The following FBXW4 variants were observed in gnomAD, a reference collection of about 807,000 sequenced individuals.
FBXW4 encodes the protein F-box and WD repeat domain containing 4, also known as F-box/WD repeat-containing protein 4.
FBXW4 carries 40 observed loss-of-function variants against 61.8 expected under a neutral mutation model. The ratio of observed to expected loss-of-function variants is 0.65; its 90% confidence interval spans 0.50 to 0.84. FBXW4 has a LOEUF of 0.84. Ranked by LOEUF, FBXW4 falls within the 40% of genes least tolerant of loss-of-function variation. FBXW4 has a pLI of 0.00. For synonymous variants in FBXW4, 311 were observed against 313.8 expected (o/e 0.99, Z 0.10); for missense variants, 672 against 753.8 (o/e 0.89, Z 1.27).
chr10:101,633,948 A>T (rs565495493), intron 5 of FBXW4, among the ~76,000 whole-genome samples: 3 of 151,620 alleles, frequency 2.0e-5, no homozygotes, highest in East Asian at 1.9e-4. Flanking sequence ...TCTACTAAAA[A>T]ATATATATAT....
intron 5 of FBXW4, among the ~76,000 whole-genome samples, chr10:101,667,247 C>T (rs1285400112): frequency 6.7e-6 from 1 of 149,008 alleles, no homozygotes; most frequent in East Asian, 2.0e-4. Flanking sequence ...AAAAAAAAAC[C>T]AAACACCCCA....
chr10:101,683,232 G>A lies in FBXW4; in HGVS notation c.726-6796C>T, dbSNP rs140743763. Reference sequence around the variant, plus strand: ...GCCATTTCTCCATATGGTTACTAATGTAAAGTGAGGGTGCTCCTCTCAAAA... The same window carrying A: ...GCCATTTCTCCATATGGTTACTAATATAAAGTGAGGGTGCTCCTCTCAAAA... On this transcript the variant is annotated intron_variant, in intron 1 of 8. Transcript: ENST00000331272. Among the ~76,000 whole-genome samples the A allele has an allele frequency of 7.7e-4, 117 of 152,342 alleles. No individual in the cohort carries two copies. In the East Asian group the frequency reaches 0.01, roughly 13 times the overall value.
At chr10:101,639,588 G>A (rs1342853356) in intron 5 of FBXW4, among the ~76,000 whole-genome samples, 1 of 152,186 alleles carries the variant, frequency 6.6e-6, no homozygotes, top group Non-Finnish European at 1.5e-5. Context: ...GTTCTTACAT[G>A]ACTTTCCCTC....
chr10:101,693,204 T>A (rs919614160), intron 1 of FBXW4, among the ~76,000 whole-genome samples: 2 of 152,258 alleles, frequency 1.3e-5, no homozygotes, highest in African/African-American at 4.8e-5. Context: ...GGTCCCACTA[T>A]AATTTGGTAC....
In FBXW4 at chr10:101,619,230, G is replaced by A. The variant is rs1033900657; in HGVS notation, c.1301+5515C>T. On this transcript the variant is annotated intron_variant, in intron 6 of 8. Coordinates refer to ENST00000331272, the MANE Select transcript of FBXW4 (RefSeq NM_022039.4). ...TCCTGGCACTTGGGAGTTAGGGAATGGGCTTGAAGACCACCTACCATCAGA... is the reference window on the plus strand; with the variant it reads ...TCCTGGCACTTGGGAGTTAGGGAATAGGCTTGAAGACCACCTACCATCAGA... Among the ~76,000 whole-genome samples, 18 of 152,318 alleles carry A rather than the reference G, an allele frequency of 1.2e-4. No individual in the cohort carries two copies. The South Asian group carries it at 2.1e-3, about 18-fold the overall frequency.
chr10:101,689,046 A>T (rs2064561564), intron 1 of FBXW4, among the ~76,000 whole-genome samples: 1 of 151,840 alleles, frequency 6.6e-6, no homozygotes, highest in Non-Finnish European at 1.5e-5. Context: ...TTTTTAAAAA[A>T]CCTGTATACT....
At chr10:101,693,091 G>C (rs1245709878) in intron 1 of FBXW4, among the ~76,000 whole-genome samples, 1 of 152,180 alleles carries the variant, frequency 6.6e-6, no homozygotes, top group Non-Finnish European at 1.5e-5. Flanking sequence ...ATCCCAGCCA[G>C]TGGTAAAAGA....
At chr10:101,645,381 C>G (rs2064087953) in intron 5 of FBXW4, among the ~76,000 whole-genome samples, 1 of 152,330 alleles carries the variant, frequency 6.6e-6, no homozygotes, top group South Asian at 2.1e-4. Context: ...GCTCCCCAGT[C>G]CCATTTGGCC....
intron 5 of FBXW4, among the ~76,000 whole-genome samples, chr10:101,656,668 C>G (rs1308169704): frequency 1.3e-5 from 2 of 152,148 alleles, no homozygotes; most frequent in Admixed American, 1.3e-4. Flanking sequence ...GTTCTAAAAG[C>G]TGGATTATGG....
intron 6 of FBXW4, chr10:101,613,290 T>A (rs867514560): frequency 2.0e-5 from 3 of 152,260 alleles, no homozygotes; most frequent in African/African-American, 7.2e-5. Flanking sequence ...GGGCCTCCTG[T>A]CCCTAGCAAC....
intron 5 of FBXW4, among the ~76,000 whole-genome samples, chr10:101,644,310 G>A (rs2064078551): frequency 6.6e-6 from 1 of 152,196 alleles, no homozygotes; most frequent in African/African-American, 2.4e-5. Flanking sequence ...AGCTGGGACT[G>A]GGGCCTGGGC....
Position 101,694,809 on chromosome 10 carries a change from G to A in FBXW4, c.297C>T (p.Val99=). The change falls in exon 1 of 9, where the codon GTC becomes GTT. Residue 99 remains valine, a synonymous_variant. Coordinates refer to ENST00000331272, the MANE Select transcript of FBXW4 (RefSeq NM_022039.4). This position sits in a 1 kb window ranked among gnomAD's most constrained non-coding sequence, Gnocchi z 6.0. ...RSVEEGARGI[V]KGVEGSAGAG... is the part of the protein sequence containing the mutation. ...CCCCTGCGCTCCCCTCGACTCCCTT[G>A]ACGATGCCTCTCGCCCCTTCCTCCA... The A allele has an allele frequency of 7.5e-7, 1 of 1,327,716 alleles. No homozygotes were observed. Among genetic ancestry groups the A allele is most frequent in the Non-Finnish European group, 9.6e-7 (1 of 1,044,442 alleles). 82.2% of individuals were successfully genotyped at this position (1,327,716 alleles called of 1,614,324 possible).
chr10:101,628,062 C>A, intron 5 of FBXW4: 2 of 746,212 alleles, frequency 2.7e-6, no homozygotes, highest in Non-Finnish European at 3.3e-6. Flanking sequence ...CTGTGCTAGG[C>A]GTGTCAAAGG....
chr10:101,688,971 C>A (rs2064560365), intron 1 of FBXW4, among the ~76,000 whole-genome samples: 1 of 152,078 alleles, frequency 6.6e-6, no homozygotes. Flanking sequence ...CAGGGTCAAC[C>A]CAGAGCTAAG....
In FBXW4 at chr10:101,695,024, C is replaced by A; in HGVS notation, c.82G>T (p.Glu28Ter). Residue 28 changes from glutamate (E) to a stop codon, truncating the protein, a stop_gained, in exon 1 of 9, where the codon GAA (glutamate) becomes TAA (stop). Transcript: ENST00000331272. LOFTEE classifies it high-confidence loss of function. This position sits in a 1 kb window ranked among gnomAD's most constrained non-coding sequence, Gnocchi z 4.2. Reference protein sequence around the residue: ...GEGGEARKLQEGRVARGKRRK... With the variant: ...GEGGEARKLQ ...CGCTTCCCCCTCGCCACCCTCCCTTCCTGCAGCTTCCTCGCCTCTCCGCCC... is the reference window on the plus strand; with the variant it reads ...CGCTTCCCCCTCGCCACCCTCCCTTACTGCAGCTTCCTCGCCTCTCCGCCC... 9.5e-7 allele frequency: 1 copy of A among 1,048,684 alleles called. No homozygotes were observed. The highest frequency in any genetic ancestry group is 1.1e-6 in the Non-Finnish European group (1 of 870,758). The allele number at this position is 1,048,684 out of a possible 1,614,324, so 65.0% of individuals were successfully genotyped here.
chr10:101,680,985 T>C (rs531773773), intron 1 of FBXW4, among the ~76,000 whole-genome samples: 3 of 152,292 alleles, frequency 2.0e-5, no homozygotes, highest in South Asian at 2.1e-4. Context: ...AATGTGAGGA[T>C]TGCAAAACAT....
At chr10:101,617,357 C>T (rs1313778521) in intron 6 of FBXW4, among the ~76,000 whole-genome samples, 2 of 152,270 alleles carry the variant, frequency 1.3e-5, no homozygotes, top group Non-Finnish European at 2.9e-5. Flanking sequence ...CCAAGAGTTA[C>T]CCAGGGTCAC....
upstream of FBXW4, chr10:101,695,265 T>A: frequency 2.1e-6 from 2 of 931,322 alleles, no homozygotes; most frequent in Non-Finnish European, 2.6e-6. The surrounding 1 kb of genome is among the most constrained non-coding windows in gnomAD (Gnocchi z 4.2). Context: ...CACTTCGGGG[T>A]GCGGGCTGGG....
At chr10:101,685,509 T>C (rs770573355) in intron 1 of FBXW4, among the ~76,000 whole-genome samples, 1 of 152,218 alleles carries the variant, frequency 6.6e-6, no homozygotes, top group Non-Finnish European at 1.5e-5. Context: ...TTGCCCATGA[T>C]ACAATTTGCT....
Sources: allele counts gnomAD v4.1 joint callset (sites outside exome capture counted in the v4.1 genomes callset), GRCh38; gene constraint gnomAD v4.1.1; non-coding constraint Gnocchi (gnomAD v3.1); transcripts MANE v1.5; gene names NCBI Gene and HGNC (gene_info 2026-07-23, HGNC 2026-07-21).